FARP2: variants seen among roughly 807,000 people sequenced by gnomAD.
FARP2 encodes the protein FERM, ARH/RhoGEF and pleckstrin domain protein 2.
A neutral mutation model predicts 130.5 loss-of-function variants in FARP2; 111 were observed. That is an observed-to-expected ratio of 0.85 (90% CI 0.73 to 1.00). The LOEUF is 1.00. FARP2 is among the 50% of genes least tolerant of loss of function. FARP2 has a pLI of 0.00. For missense variants in FARP2, 1,385 were observed against 1,346.3 expected, an observed-to-expected ratio of 1.03 and a Z score of -0.45; for synonymous variants, 504 against 516.9, an observed-to-expected ratio of 0.98 and a Z score of 0.34.
chr2:241,463,520 A>T, intron 16 of FARP2, 52 bp downstream of exon 16: 1 of 1,579,456 alleles, frequency 6.3e-7, no homozygotes, highest in Non-Finnish European at 8.6e-7. Context: ...ACTCATCATC[A>T]CCGCTCTTAG....
intron 2 of FARP2, among the ~76,000 whole-genome samples, chr2:241,399,281 A>G (rs1226633375): frequency 1.3e-5 from 2 of 152,044 alleles, no homozygotes; most frequent in East Asian, 1.9e-4. Flanking sequence ...ATCTTTATAT[A>G]TGTTGACTAC....
chr2:241,433,345 G>A (rs1343069846), intron 9 of FARP2, among the ~76,000 whole-genome samples: 3 of 152,162 alleles, frequency 2.0e-5, no homozygotes, highest in African/African-American at 4.8e-5. Flanking sequence ...ACATACATCA[G>A]CAGGTTCAAA....
intron 1 of FARP2, among the ~76,000 whole-genome samples, chr2:241,358,898 T>C (rs1286427830): frequency 1.3e-5 from 2 of 152,246 alleles, no homozygotes; most frequent in East Asian, 3.8e-4. Flanking sequence ...TAAATTGGTC[T>C]AATCTTTTTG....
At chr2:241,418,690 G>A (rs978358982) in intron 8 of FARP2, among the ~76,000 whole-genome samples, 3 of 152,202 alleles carry the variant, frequency 2.0e-5, no homozygotes, top group Non-Finnish European at 4.4e-5. Context: ...GGTGGGCATG[G>A]CCTGCTCACT....
intron 26 of FARP2, 69 bp downstream of exon 26, chr2:241,493,513 A>G: frequency 6.7e-7 from 1 of 1,481,908 alleles, no homozygotes; most frequent in Non-Finnish European, 9.4e-7. Context: ...ATTTCTACTC[A>G]TGGTGGTGGA....
chr2:241,453,404 C>T (rs547461501), intron 13 of FARP2, among the ~76,000 whole-genome samples: 13 of 151,370 alleles, frequency 8.6e-5, no homozygotes, highest in South Asian at 2.1e-4. Flanking sequence ...GGGCAGATCA[C>T]AAGGTCAGGA....
chr2:241,413,533 A>G (rs1163268425), intron 7 of FARP2, 112 bp downstream of exon 7: 6 of 764,610 alleles, frequency 7.8e-6, no homozygotes, highest in African/African-American at 1.7e-5. Context: ...CATAAGGACC[A>G]TTGCTCCTGG....
At chr2:241,493,593 CTT>C (rs1328131256) in intron 26 of FARP2, 149 bp downstream of exon 26, 3 of 629,710 alleles carry the variant, frequency 4.8e-6, no homozygotes, top group Non-Finnish European at 7.9e-6. Context: ...AACAGCAATG[CTT>C]TGTTTTTTTT....
chr2:241,418,198 T>G, intron 8 of FARP2, 89 bp downstream of exon 8: 4 of 1,445,606 alleles, frequency 2.8e-6, no homozygotes, highest in Non-Finnish European at 3.9e-6. Flanking sequence ...TGTTAGTAAA[T>G]ATTTGTCCTG....
chr2:241,379,614 T>TA (rs1462420946), intron 2 of FARP2, among the ~76,000 whole-genome samples: 2 of 152,184 alleles, frequency 1.3e-5, no homozygotes, highest in African/African-American at 4.8e-5. Flanking sequence ...AGTAAAAACT[T>TA]AATGTTTTCA....
At chr2:241,436,968 A>G (rs2063246093) in intron 12 of FARP2, among the ~76,000 whole-genome samples, 1 of 152,238 alleles carries the variant, frequency 6.6e-6, no homozygotes. Context: ...CCTGGATGAC[A>G]GAACAAGATC....
chr2:241,493,787 G>GACA, intron 26 of FARP2: 1 of 486,840 alleles, frequency 2.1e-6, no homozygotes, highest in African/African-American at 2.0e-5. Flanking sequence ...AGTAGAGACA[G>GACA]GGTTTCACCA....
intron 7 of FARP2, among the ~76,000 whole-genome samples, chr2:241,414,114 G>T (rs953618614): frequency 3.3e-5 from 5 of 152,180 alleles, no homozygotes; most frequent in Non-Finnish European, 7.3e-5. Flanking sequence ...GGAGGGGACT[G>T]TGTGAGGCTA....
intron 19 of FARP2, among the ~76,000 whole-genome samples, chr2:241,477,712 A>G (rs1194858472): frequency 6.6e-6 from 1 of 152,344 alleles, no homozygotes; most frequent in East Asian, 1.9e-4. Flanking sequence ...TGAGACTTCC[A>G]GTTTCTCACA....
intron 4 of FARP2, 107 bp downstream of exon 4, chr2:241,404,948 G>A: frequency 2.5e-6 from 2 of 804,206 alleles, no homozygotes; most frequent in South Asian, 3.3e-5. Flanking sequence ...TGTATGGTTA[G>A]CAAGAAGTAA....
chr2:241,436,403 G>A (rs2063230979), intron 11 of FARP2, 78 bp from the exon 12 acceptor site: 1 of 1,267,336 alleles, frequency 7.9e-7, no homozygotes, highest in East Asian at 2.3e-5. Flanking sequence ...CATGGATACA[G>A]TACATGCTTG....
At chr2:241,407,383 C>T (rs971261728) in intron 4 of FARP2, among the ~76,000 whole-genome samples, 154 bp from the exon 5 acceptor site, 1 of 152,184 alleles carries the variant, frequency 6.6e-6, no homozygotes, top group Admixed American at 6.5e-5. Context: ...CACACCACCA[C>T]ACCTGGGCAG....
At chr2:241,425,257 A>C (rs2062903996) in intron 8 of FARP2, among the ~76,000 whole-genome samples, 1 of 152,194 alleles carries the variant, frequency 6.6e-6, no homozygotes, top group Non-Finnish European at 1.5e-5. Flanking sequence ...AATGCCATTC[A>C]GGACACAGGC....
chr2:241,494,088 CAGGGCTGGA>C lies in FARP2; in HGVS notation c.3129_3137del (p.Leu1045_Gly1047del). 1 of 1,460,408 alleles carries C rather than the reference CAGGGCTGGA, an allele frequency of 6.8e-7. No individual in the cohort carries two copies. The highest frequency in any genetic ancestry group is 9.0e-7 in the Non-Finnish European group (1 of 1,112,184). 90.5% of individuals were successfully genotyped at this position (1,460,408 alleles called of 1,614,324 possible). A position where few individuals can be genotyped will look rare whatever the true frequency, so the allele number is the denominator to read the frequency against. On this transcript the variant is annotated inframe_deletion, in exon 27 of 27. Coordinates refer to ENST00000264042, the MANE Select transcript of FARP2 (RefSeq NM_014808.4). This position sits in a 1 kb window ranked among gnomAD's most constrained non-coding sequence, Gnocchi z 4.9. ...GTGCAGGATGGCCCCCAACCCTCCT[CAGGGCTGGA>C]GGGGATGGTCAGGGGGAAGGAGGAA...
Sources: gnomAD v4.1 joint callset for allele counts (sites outside exome capture counted in the v4.1 genomes callset) on GRCh38, gnomAD v4.1.1 for gene constraint, Gnocchi (gnomAD v3.1) non-coding constraint, MANE v1.5 for transcripts, NCBI Gene and HGNC (gene_info 2026-07-23, HGNC 2026-07-21) for gene names.